Variants in GRIP1 observed in about 807,000 individuals in gnomAD.
GRIP1 encodes the protein glutamate receptor-interacting protein 1.
GRIP1 carries 45 observed loss-of-function variants against 129.9 expected under a neutral mutation model. That is an observed-to-expected ratio of 0.35 (90% CI 0.27 to 0.44). The LOEUF is 0.44. Ranked by LOEUF, GRIP1 falls within the 20% of genes least tolerant of loss-of-function variation. GRIP1 has a pLI of 1.00. For missense variants in GRIP1, 1,196 were observed against 1,396.8 expected (o/e 0.86, Z 2.29); for synonymous variants, 530 against 520.8 (o/e 1.02, Z -0.24).
chr12:66,573,091 A>G (rs554099257), intron 2 of GRIP1, among the ~76,000 whole-genome samples: 2 of 77,386 alleles, frequency 2.6e-5, no homozygotes, highest in South Asian at 3.3e-4. Flanking sequence ...TATGTTGTAT[A>G]TATGTCGGCA....
intron 20 of GRIP1, among the ~76,000 whole-genome samples, chr12:66,378,169 C>T (rs1434266756): frequency 1.3e-5 from 2 of 151,768 alleles, no homozygotes; most frequent in African/African-American, 4.8e-5. Context: ...GGGCCCAGTG[C>T]AGTGGCTCAC....
intron 1 of GRIP1, among the ~76,000 whole-genome samples, chr12:66,863,307 T>C (rs189072357): frequency 4.6e-5 from 7 of 152,254 alleles, no homozygotes; most frequent in South Asian, 2.1e-4. Flanking sequence ...ATATAGAACA[T>C]TGAAGATAAA....
intron 15 of GRIP1, among the ~76,000 whole-genome samples, chr12:66,410,306 T>C (rs1183858871): frequency 6.9e-6 from 1 of 145,120 alleles, no homozygotes; most frequent in Non-Finnish European, 1.5e-5. Flanking sequence ...GACAGGACAT[T>C]TGAAAATACA....
intron 1 of GRIP1, among the ~76,000 whole-genome samples, chr12:66,886,321 T>G (rs2040566235): frequency 6.6e-6 from 1 of 151,992 alleles, no homozygotes; most frequent in African/African-American, 2.4e-5. Flanking sequence ...GCTTTTAAGG[T>G]AAAAATGCTC....
At chr12:66,352,760 T>C (rs2054296541) in intron 24 of GRIP1, among the ~76,000 whole-genome samples, 1 of 151,230 alleles carries the variant, frequency 6.6e-6, no homozygotes, top group African/African-American at 2.4e-5. Flanking sequence ...TAACTAACTT[T>C]CCATCAACTT....
chr12:66,928,346 A>G (rs954504043), intron 1 of GRIP1, among the ~76,000 whole-genome samples: 1 of 152,232 alleles, frequency 6.6e-6, no homozygotes, highest in Admixed American at 6.5e-5. Context: ...TTGGGAAAGG[A>G]AAACAATATT....
rs373374897 is a variant in GRIP1, at chr12:66,449,898, AT to A, written c.1355-4391del. On this transcript the variant is annotated intron_variant, in intron 11 of 24. Coordinates refer to ENST00000359742, the MANE Select transcript of GRIP1 (RefSeq NM_001366722.1). ...TTGACTCTTTTATAGGTTCATATTA[AT>A]TTTTTTTTCCATTTGAGATCACAAT... 3.2e-3 allele frequency among the ~76,000 whole-genome samples: 489 copies of A among 151,574 alleles called. 3 individuals carry two copies. Among genetic ancestry groups the A allele is most frequent in the African/African-American group, 0.011 (464 of 41,308 alleles).
chr12:66,894,708 C>G (rs921578231), intron 1 of GRIP1, among the ~76,000 whole-genome samples: 1 of 152,146 alleles, frequency 6.6e-6, no homozygotes, highest in African/African-American at 2.4e-5. Context: ...CAAACTGCCT[C>G]CCATACACAG....
chr12:66,582,580 A>G (rs1205268879), intron 2 of GRIP1, among the ~76,000 whole-genome samples: 4 of 137,710 alleles, frequency 2.9e-5, no homozygotes, highest in Non-Finnish European at 6.4e-5. Flanking sequence ...AAATCAACGT[A>G]CAAAAATCAC....
chr12:66,457,983 G>T (rs1226790547), intron 9 of GRIP1, among the ~76,000 whole-genome samples: 1 of 152,216 alleles, frequency 6.6e-6, no homozygotes, highest in Non-Finnish European at 1.5e-5. Context: ...AAACAAATGA[G>T]TTTAGAGTAT....
chr12:66,546,939 T>C (rs1297095967), intron 2 of GRIP1, among the ~76,000 whole-genome samples: 1 of 152,034 alleles, frequency 6.6e-6, no homozygotes, highest in Non-Finnish European at 1.5e-5. Flanking sequence ...AAATGAATGC[T>C]CTCTGCAAGA....
chr12:66,902,688 T>C (rs918780895), intron 1 of GRIP1, among the ~76,000 whole-genome samples: 3 of 152,194 alleles, frequency 2.0e-5, no homozygotes, highest in African/African-American at 4.8e-5. Context: ...TGACTTAATA[T>C]GGGAAATAGT....
chr12:66,444,839 T>A, intron 12 of GRIP1, 110 bp from the exon 13 acceptor site: 1 of 1,156,754 alleles, frequency 8.6e-7, no homozygotes, highest in Non-Finnish European at 1.3e-6. Flanking sequence ...TAATTTGGTC[T>A]TGCTTATTCA....
chr12:66,546,587 T>G (rs2061953809), intron 2 of GRIP1, among the ~76,000 whole-genome samples: 1 of 152,076 alleles, frequency 6.6e-6, no homozygotes, highest in South Asian at 2.1e-4. Flanking sequence ...CGCACAAATA[T>G]GACATACTGT....
intron 1 of GRIP1, among the ~76,000 whole-genome samples, chr12:66,699,135 A>G (rs2035264228): frequency 6.6e-6 from 1 of 152,188 alleles, no homozygotes; most frequent in Non-Finnish European, 1.5e-5. Context: ...CCCTTGGAGT[A>G]CTGGATACTG....
intron 1 of GRIP1, among the ~76,000 whole-genome samples, chr12:66,695,810 T>C (rs901733222): frequency 1.3e-4 from 20 of 152,278 alleles, no homozygotes; most frequent in African/African-American, 4.6e-4. Context: ...GAATATCAGC[T>C]TTATTGATAC....
intron 7 of GRIP1, among the ~76,000 whole-genome samples, chr12:66,501,641 C>G (rs993563642): frequency 2.6e-5 from 4 of 152,132 alleles, no homozygotes; most frequent in African/African-American, 9.7e-5. Flanking sequence ...TACATGACCT[C>G]AAAGAAACTC....
intron 6 of GRIP1, among the ~76,000 whole-genome samples, chr12:66,516,325 C>A (rs189792099): frequency 3.9e-5 from 6 of 152,232 alleles, no homozygotes; most frequent in Non-Finnish European, 5.9e-5. Flanking sequence ...CCTGCTGTGA[C>A]CACAGACACT....
At chr12:66,975,117 T>C (rs550096215) in intron 1 of GRIP1, among the ~76,000 whole-genome samples, 1 of 152,260 alleles carries the variant, frequency 6.6e-6, no homozygotes, top group Non-Finnish European at 1.5e-5. Context: ...TTGATAGCTG[T>C]TCCAGACTAG....
Sources: allele counts gnomAD v4.1 joint callset (sites outside exome capture counted in the v4.1 genomes callset), GRCh38; gene constraint gnomAD v4.1.1; transcripts MANE v1.5; gene names NCBI Gene and HGNC (gene_info 2026-07-23, HGNC 2026-07-21).